TM2D1: variants seen among roughly 807,000 people sequenced by gnomAD.
TM2D1 encodes TM2 domain containing 1, also known as TM2 domain-containing protein 1.
A neutral mutation model predicts 28.4 loss-of-function variants in TM2D1; 15 were observed. The ratio of observed to expected loss-of-function variants is 0.53; its 90% CI spans 0.35 to 0.81. The LOEUF (loss-of-function observed/expected upper bound fraction) is 0.81. TM2D1 is among the 40% of genes least tolerant of loss of function. The probability of loss-of-function intolerance (pLI) is 0.01; values close to 1 mark genes in which losing one functional copy is unlikely to be tolerated. For synonymous variants in TM2D1, 93 were observed against 96.2 expected, an observed-to-expected ratio of 0.97 and a Z score of 0.20; for missense variants, 236 against 254.9, an observed-to-expected ratio of 0.93 and a Z score of 0.50.
intron 1 of TM2D1, 87 bp from the exon 2 acceptor site, chr1:61,723,873 G>A: frequency 1.8e-6 from 1 of 570,412 alleles, no homozygotes; most frequent in Non-Finnish European, 3.1e-6. Flanking sequence ...TACTCATGTT[G>A]ATATTCACAT....
rs371334309 is a variant in TM2D1, at chr1:61,694,734, A to G, written c.476T>C (p.Ile159Thr). 17 of 1,608,804 alleles carry G rather than the reference A, an allele frequency of 1.1e-5. No individual in the cohort carries two copies. Among genetic ancestry groups the G allele is most frequent in the Non-Finnish European group, 1.4e-5 (16 of 1,177,682 alleles). ...LKFCTVGFCG[I>T]GSLIDFILIS... The stretch of plus-strand genomic sequence containing the variant: ...AAGAATGAAATCAATTAGGCTCCCA[A>G]TTCCACAAAACCCTACAGTGCAAAA... The change falls in exon 5 of 7, where the codon ATT (isoleucine) becomes ACT (threonine). Residue 159 changes from isoleucine (I) to threonine (T), a missense_variant. Ile to Thr is a moderately conservative substitution (Grantham distance 89). This residue lies in a region of TM2D1 where 64 missense variants were observed against 73.1 expected (regional missense o/e 0.88). Coordinates refer to ENST00000606498, the MANE Select transcript of TM2D1 (RefSeq NM_032027.3).
chr1:61,706,493 G>A (rs1022495691), intron 3 of TM2D1, among the ~76,000 whole-genome samples: 3 of 149,630 alleles, frequency 2.0e-5, no homozygotes, highest in South Asian at 2.3e-4. Context: ...CCACCACGCC[G>A]AGCCACAAAT....
At chr1:61,719,474 T>G (rs193257319) in intron 2 of TM2D1, among the ~76,000 whole-genome samples, 9 of 151,506 alleles carry the variant, frequency 5.9e-5, no homozygotes, top group Admixed American at 5.9e-4. Context: ...GGTATATGGA[T>G]GGAGTTTTGT....
intron 2 of TM2D1, among the ~76,000 whole-genome samples, chr1:61,723,045 T>C (rs900676903): frequency 6.6e-6 from 1 of 152,216 alleles, no homozygotes; most frequent in African/African-American, 2.4e-5. Context: ...TGCCCTCCAG[T>C]TAGGTGTCCT....
intron 5 of TM2D1, among the ~76,000 whole-genome samples, chr1:61,685,940 G>C (rs192987060): frequency 6.6e-6 from 1 of 152,310 alleles, no homozygotes; most frequent in African/African-American, 2.4e-5. Flanking sequence ...TTGAGCCCAG[G>C]AGTTCAAGGT....
intron 2 of TM2D1, among the ~76,000 whole-genome samples, chr1:61,715,361 A>G (rs1644508859): frequency 6.6e-6 from 1 of 152,030 alleles, no homozygotes; most frequent in African/African-American, 2.4e-5. Flanking sequence ...TACTCCTGTT[A>G]TATACATTTA....
chr1:61,682,375 T>G (rs1644250531), intron 6 of TM2D1, among the ~76,000 whole-genome samples: 2 of 152,134 alleles, frequency 1.3e-5, no homozygotes, highest in Admixed American at 1.3e-4. Context: ...TCACCCTACA[T>G]GATATATAGG....
chr1:61,684,284 G>A (rs562146319), intron 5 of TM2D1, among the ~76,000 whole-genome samples: 4 of 152,292 alleles, frequency 2.6e-5, no homozygotes, highest in East Asian at 1.9e-4. Context: ...GGGCCCAGAG[G>A]AGAAATCAAT....
intron 5 of TM2D1, among the ~76,000 whole-genome samples, chr1:61,686,159 T>C (rs1332278194): frequency 1.3e-5 from 2 of 152,340 alleles, no homozygotes; most frequent in Admixed American, 6.5e-5. Context: ...TAATGAAGAA[T>C]AGAATAAGCT....
chr1:61,701,414 T>A (rs1479162766), intron 3 of TM2D1, among the ~76,000 whole-genome samples: 1 of 151,602 alleles, frequency 6.6e-6, no homozygotes, highest in Non-Finnish European at 1.5e-5. Context: ...GAAGGTGATA[T>A]TTGAGCAGAG....
At chr1:61,692,522 GGAAA>G (rs1339606397) in intron 5 of TM2D1, among the ~76,000 whole-genome samples, 4 of 149,266 alleles carry the variant, frequency 2.7e-5, no homozygotes, top group Non-Finnish European at 5.9e-5. Context: ...AAAGAAAGAA[GGAAA>G]GAAAGAGAAA....
At chr1:61,700,376 A>C in intron 4 of TM2D1, 4 of 1,284,322 alleles carry the variant, frequency 3.1e-6, no homozygotes, top group Non-Finnish European at 4.0e-6. Context: ...CTATCATAAA[A>C]TGTAAATAGT....
At chr1:61,683,660 C>T in intron 5 of TM2D1, 114 bp from the exon 6 acceptor site, 1 of 562,636 alleles carries the variant, frequency 1.8e-6, no homozygotes, top group South Asian at 2.4e-5. Flanking sequence ...AAATCCAGCT[C>T]TAACCTAAGC....
At chr1:61,707,759 CGCTAAGAGTTCTT>C (rs1379179533) in intron 3 of TM2D1, among the ~76,000 whole-genome samples, 1 of 152,136 alleles carries the variant, frequency 6.6e-6, no homozygotes, top group Non-Finnish European at 1.5e-5. Flanking sequence ...AAAGAAAGAA[CGCTAAGAGTTCTT>C]GCTAAGAATT....
intron 5 of TM2D1, among the ~76,000 whole-genome samples, chr1:61,691,078 T>C (rs748143241): frequency 1.3e-5 from 2 of 152,212 alleles, no homozygotes; most frequent in Non-Finnish European, 2.9e-5. Flanking sequence ...ATTGTAATAC[T>C]TATTTCCATT....
intron 3 of TM2D1, among the ~76,000 whole-genome samples, chr1:61,708,845 G>A (rs1368775041): frequency 2.7e-5 from 4 of 150,598 alleles, no homozygotes; most frequent in African/African-American, 7.3e-5. Flanking sequence ...CTTGATTGGT[G>A]AATTGCATTT....
At chr1:61,719,169 G>A (rs1384244731) in intron 2 of TM2D1, among the ~76,000 whole-genome samples, 1 of 151,830 alleles carries the variant, frequency 6.6e-6, no homozygotes, top group African/African-American at 2.4e-5. Flanking sequence ...CTCTGACTCA[G>A]TTATCAGCCT....
At chr1:61,709,123 C>G (rs1437644639) in intron 3 of TM2D1, among the ~76,000 whole-genome samples, 1 of 152,074 alleles carries the variant, frequency 6.6e-6, no homozygotes, top group African/African-American at 2.4e-5. Flanking sequence ...CGTGATCATG[C>G]CACTGCACTC....
chr1:61,702,679 T>C (rs988275320), intron 3 of TM2D1, among the ~76,000 whole-genome samples: 2 of 151,772 alleles, frequency 1.3e-5, no homozygotes, highest in East Asian at 3.9e-4. Flanking sequence ...AATTCAATTT[T>C]AGACCTTACC....
Sources: allele counts gnomAD v4.1 joint callset (sites outside exome capture counted in the v4.1 genomes callset), GRCh38; gene constraint gnomAD v4.1.1; regional missense constraint gnomAD v4.1.1; transcripts MANE v1.5; gene names NCBI Gene and HGNC (gene_info 2026-07-23, HGNC 2026-07-21).